The following NLGN1 variants were observed in gnomAD, a reference collection of about 807,000 sequenced individuals.
The protein encoded by NLGN1 is neuroligin-1.
Under a neutral mutation model 65.5 loss-of-function variants are expected in NLGN1, and 12 were observed. That is an observed-to-expected ratio of 0.18 (90% confidence interval 0.12 to 0.30). The LOEUF is 0.30. NLGN1 is among the 10% of genes least tolerant of loss of function. NLGN1 has a pLI of 1.00. For synonymous variants in NLGN1, 350 were observed against 359.5 expected (o/e 0.97, Z 0.30); for missense variants, 750 against 1,007.1 (o/e 0.74, Z 3.46).
intron 3 of NLGN1, among the ~76,000 whole-genome samples, chr3:173,700,816 G>A (rs1267699964): frequency 1.3e-5 from 2 of 152,134 alleles, no homozygotes; most frequent in Non-Finnish European, 2.9e-5. Context: ...GGACTCTTAA[G>A]CTCTAGACCT....
intron 4 of NLGN1, among the ~76,000 whole-genome samples, chr3:174,124,846 A>T (rs1458161175): frequency 6.6e-6 from 1 of 151,994 alleles, no homozygotes; most frequent in African/African-American, 2.4e-5. Context: ...GACCAAATTT[A>T]GCACGGAGGT....
intron 4 of NLGN1, among the ~76,000 whole-genome samples, chr3:174,084,086 AT>A (rs1358416566): frequency 2.0e-5 from 3 of 152,142 alleles, no homozygotes; most frequent in Non-Finnish European, 4.4e-5. Context: ...AAGCAGGAAT[AT>A]TTTTTCACAC....
At chr3:173,961,459 A>G (rs1223027290) in intron 4 of NLGN1, among the ~76,000 whole-genome samples, 1 of 152,108 alleles carries the variant, frequency 6.6e-6, no homozygotes, top group Non-Finnish European at 1.5e-5. Flanking sequence ...AGTGCTGTGA[A>G]AATATTGTTT....
rs79043932 is a variant in NLGN1, at chr3:173,892,391, T to G, written c.646+84559T>G. On this transcript the variant is annotated intron_variant, in intron 4 of 6. Transcript: ENST00000457714. ...ATGTAGGTTGGGAGGAACAAAACAT[T>G]ATTAAGATTTTCCTATGTATGTTTT... Among the ~76,000 whole-genome samples the G allele has an allele frequency of 3.7e-3, 561 of 152,132 alleles. 3 individuals are homozygous for G. The highest frequency in any genetic ancestry group is 0.022 in the South Asian group (105 of 4,820).
At chr3:174,017,186 A>G (rs766004524) in intron 4 of NLGN1, among the ~76,000 whole-genome samples, 6 of 152,184 alleles carry the variant, frequency 3.9e-5, no homozygotes, top group Non-Finnish European at 8.8e-5. Flanking sequence ...AAAAGCCTAG[A>G]TCATGGTTTC....
chr3:173,448,275 T>A, intron 2 of NLGN1, among the ~76,000 whole-genome samples: 1 of 152,126 alleles, frequency 6.6e-6, no homozygotes, highest in Admixed American at 6.6e-5. Context: ...GCTTGAAGAG[T>A]TGTTGAATTT....
chr3:173,631,742 A>G (rs1348083962), intron 3 of NLGN1, among the ~76,000 whole-genome samples: 1 of 152,150 alleles, frequency 6.6e-6, no homozygotes, highest in East Asian at 1.9e-4. Context: ...TCCAACATGC[A>G]CTCAGAATAG....
In NLGN1 at chr3:173,723,364, A is replaced by C. The variant is rs776484512; in HGVS notation, c.494-84316A>C. ...TGATGGCACAATACTTTCTAATCAC[A>C]TAGATTTTTATTTTGTATTTATCTA... is the stretch of plus-strand genomic sequence containing the variant. On this transcript the variant is annotated intron_variant, in intron 3 of 6. Coordinates refer to ENST00000457714, the Ensembl canonical transcript of NLGN1. Among the ~76,000 whole-genome samples, 64 of 152,206 alleles carry C rather than the reference A, an allele frequency of 4.2e-4. 1 individual carries two copies. The highest frequency in any genetic ancestry group is 2.4e-4 in the Non-Finnish European group (16 of 68,030).
chr3:174,182,258 C>T (rs1048150886), intron 4 of NLGN1, among the ~76,000 whole-genome samples: 10 of 152,138 alleles, frequency 6.6e-5, no homozygotes, highest in African/African-American at 2.2e-4. Context: ...CTTAACTCGT[C>T]TCCCAGTTGC....
At chr3:173,838,477 G>A (rs1560469582) in intron 4 of NLGN1, among the ~76,000 whole-genome samples, 1 of 152,030 alleles carries the variant, frequency 6.6e-6, no homozygotes, top group Non-Finnish European at 1.5e-5. Flanking sequence ...GAAAAAATTT[G>A]TTTAGTAATT....
chr3:173,477,071 A>G, intron 2 of NLGN1, among the ~76,000 whole-genome samples: 1 of 152,154 alleles, frequency 6.6e-6, no homozygotes, highest in East Asian at 1.9e-4. Context: ...TAGTGAAATG[A>G]GCATCAGCAG....
chr3:173,832,381 A>G (rs1274763413), intron 4 of NLGN1, among the ~76,000 whole-genome samples: 4 of 152,332 alleles, frequency 2.6e-5, no homozygotes, highest in East Asian at 3.9e-4. Context: ...CCTTATATTA[A>G]CTATTGAATT....
intron 4 of NLGN1, among the ~76,000 whole-genome samples, chr3:174,087,231 G>C (rs961180023): frequency 1.3e-5 from 2 of 152,108 alleles, no homozygotes; most frequent in African/African-American, 4.8e-5. Context: ...CATGAGTTTA[G>C]ATTATCCATA....
chr3:173,486,726 C>T (rs1394768277), intron 2 of NLGN1, among the ~76,000 whole-genome samples: 1 of 152,192 alleles, frequency 6.6e-6, no homozygotes, highest in Non-Finnish European at 1.5e-5. Flanking sequence ...ACACTCCTGA[C>T]TATCTCCTGC....
At chr3:173,450,218 G>A (rs1321595647) in intron 2 of NLGN1, among the ~76,000 whole-genome samples, 4 of 152,124 alleles carry the variant, frequency 2.6e-5, no homozygotes, top group Middle Eastern at 3.2e-3. Flanking sequence ...TCCTTTCCAT[G>A]TTTAGTGCTT....
intron 2 of NLGN1, among the ~76,000 whole-genome samples, 194 bp from the exon 2 acceptor site, chr3:173,604,085 A>ATGC (rs1012247689): frequency 2.6e-4 from 39 of 152,264 alleles, no homozygotes; most frequent in Admixed American, 8.5e-4. Flanking sequence ...AAGTCAGCAG[A>ATGC]TGCATTTCTC....
chr3:174,016,012 C>A (rs147111354), intron 4 of NLGN1, among the ~76,000 whole-genome samples: 190 of 152,198 alleles, frequency 1.2e-3, no homozygotes, highest in African/African-American at 4.4e-3. Context: ...GAAGGGATGG[C>A]AGACAAGGCA....
chr3:173,886,668 G>A (rs1053017865), intron 4 of NLGN1, among the ~76,000 whole-genome samples: 1 of 152,006 alleles, frequency 6.6e-6, no homozygotes, highest in African/African-American at 2.4e-5. Context: ...ATAAAATAGG[G>A]ATGAGTGTAA....
At chr3:173,777,597 C>T (rs1340809283) in intron 3 of NLGN1, among the ~76,000 whole-genome samples, 1 of 151,508 alleles carries the variant, frequency 6.6e-6, no homozygotes, top group Non-Finnish European at 1.5e-5. Context: ...CAATAGAAGA[C>T]CAGAATGTAT....
Sources: allele counts gnomAD v4.1 joint callset (sites outside exome capture counted in the v4.1 genomes callset), GRCh38; gene constraint gnomAD v4.1.1; transcripts MANE v1.5; gene names NCBI Gene and HGNC (gene_info 2026-07-23, HGNC 2026-07-21).